Variants in PEAK1 observed in about 807,000 individuals in gnomAD.
PEAK1 encodes the protein pseudopodium enriched atypical kinase 1, also known as inactive tyrosine-protein kinase PEAK1.
PEAK1 carries 54 observed loss-of-function variants against 124.7 expected under a neutral mutation model. The observed-to-expected ratio is 0.43, with a 90% CI of 0.35 to 0.54. The LOEUF (loss-of-function observed/expected upper bound fraction) is 0.54. PEAK1 is among the 20% of genes least tolerant of loss of function. PEAK1 has a pLI of 0.01. For synonymous variants in PEAK1, 719 were observed against 760.0 expected (o/e 0.95, Z 0.89); for missense variants, 2,046 against 2,134.5 (o/e 0.96, Z 0.82).
chr15:77,326,184 C>T (rs1422622712), intron 2 of PEAK1, among the ~76,000 whole-genome samples: 1 of 151,994 alleles, frequency 6.6e-6, no homozygotes, highest in Non-Finnish European at 1.5e-5. Flanking sequence ...TACTCCCTTC[C>T]CCCAACACAC....
chr15:77,405,831 T>C (rs1212367081), intron 1 of PEAK1, among the ~76,000 whole-genome samples: 3 of 152,096 alleles, frequency 2.0e-5, no homozygotes, highest in Admixed American at 6.5e-5. Context: ...GTGAATAAGA[T>C]CTAAGTCAAT....
chr15:77,174,629 T>C (rs12911480), intron 7 of PEAK1, among the ~76,000 whole-genome samples: 11,708 of 152,242 alleles, frequency 0.077, 560 homozygotes, highest in Non-Finnish European at 0.1. Flanking sequence ...TGGGACATTA[T>C]GAAATGTGAA....
intron 1 of PEAK1, chr15:77,370,705 T>C (rs956123197): frequency 3.1e-5 from 31 of 985,032 alleles, no homozygotes; most frequent in Admixed American, 6.2e-5. Context: ...TATTTCTGCA[T>C]ATGTCTTCAG....
chr15:77,361,925 T>C (rs747873782), intron 2 of PEAK1, among the ~76,000 whole-genome samples: 1 of 151,910 alleles, frequency 6.6e-6, no homozygotes, highest in Non-Finnish European at 1.5e-5. Context: ...AATCCTGTCA[T>C]TTGCAGCAAC....
At chr15:77,304,155 C>T (rs1207982330) in intron 2 of PEAK1, among the ~76,000 whole-genome samples, 2 of 152,192 alleles carry the variant, frequency 1.3e-5, no homozygotes, top group Non-Finnish European at 2.9e-5. Context: ...ATTCCACTGA[C>T]TATACTAGGT....
At chr15:77,371,951 T>C (rs750647588) in intron 1 of PEAK1, among the ~76,000 whole-genome samples, 5 of 152,220 alleles carry the variant, frequency 3.3e-5, no homozygotes, top group Non-Finnish European at 7.4e-5. Flanking sequence ...TTTCACGTAA[T>C]TCCTAGCACA....
At chr15:77,220,264 A>G (rs2059327563) in intron 6 of PEAK1, among the ~76,000 whole-genome samples, 1 of 152,078 alleles carries the variant, frequency 6.6e-6, no homozygotes, top group African/African-American at 2.4e-5. Flanking sequence ...ACAAAAATGT[A>G]CTATGCATTG....
In PEAK1 at chr15:77,418,484, C is replaced by T. The variant is rs984870223; in HGVS notation, c.-666+1522G>A. 1.2e-5 allele frequency: 12 copies of T among 985,116 alleles called. No homozygotes were observed. The African/African-American group carries it at 2.1e-4, about 17-fold the overall frequency. The allele number at this position is 985,116 out of a possible 1,614,324, so 61.0% of individuals were successfully genotyped here. ...TTGTGAGTTGGTCATATCCAAAATT[C>T]ACTAGCAATGCTATGACTTCTACTT... On this transcript the variant is annotated intron_variant, in intron 1 of 9. Coordinates refer to ENST00000682557, the MANE Select transcript of PEAK1 (RefSeq NM_001385026.1).
intron 1 of PEAK1, among the ~76,000 whole-genome samples, chr15:77,396,564 T>C (rs2070903032): frequency 6.6e-6 from 1 of 151,866 alleles, no homozygotes; most frequent in Non-Finnish European, 1.5e-5. Context: ...ACACACATAC[T>C]GAAAATAAAG....
In PEAK1 at chr15:77,217,590, G is replaced by A. The variant is rs558260407; in HGVS notation, c.-115+34777C>T. ...CATTAGGCATCTACCTCATAGTTCTGGTTTGGTTCCTTCCGACTTCTTTTG... is the reference window on the plus strand; with the variant it reads ...CATTAGGCATCTACCTCATAGTTCTAGTTTGGTTCCTTCCGACTTCTTTTG... On this transcript the variant is annotated intron_variant, in intron 6 of 9. Transcript: ENST00000682557. Among the ~76,000 whole-genome samples the A allele has an allele frequency of 5.9e-5, 9 of 152,174 alleles. No homozygotes were observed. In the South Asian group the frequency reaches 1.9e-3, roughly 32 times the overall value.
At chr15:77,403,713 G>A in intron 1 of PEAK1, 1 of 930,230 alleles carries the variant, frequency 1.1e-6, no homozygotes, top group Non-Finnish European at 1.3e-6. Context: ...AAGAAAAAAG[G>A]GCAGGATTAT....
intron 1 of PEAK1, chr15:77,418,339 T>G: frequency 1.0e-6 from 1 of 985,296 alleles, no homozygotes; most frequent in South Asian, 4.7e-5. Flanking sequence ...AAGAAAATAA[T>G]TTGACATTTT....
intron 1 of PEAK1, among the ~76,000 whole-genome samples, chr15:77,391,865 T>A (rs2070487546): frequency 6.6e-6 from 1 of 152,188 alleles, no homozygotes. Context: ...GAAGAGATGA[T>A]CACATACATA....
chr15:77,365,741 T>TAAAAA (rs71145816), intron 1 of PEAK1, among the ~76,000 whole-genome samples: 2 of 80,788 alleles, frequency 2.5e-5, no homozygotes, highest in African/African-American at 5.0e-5. Context: ...CTCCATCTCA[T>TAAAAA]AAAAAAAAAA....
chr15:77,321,110 C>T (rs2153017787), intron 2 of PEAK1, among the ~76,000 whole-genome samples: 1 of 152,286 alleles, frequency 6.6e-6, no homozygotes, highest in Non-Finnish European at 1.5e-5. Context: ...AACAGTGCCA[C>T]AATAAACATA....
At chr15:77,406,807 C>G (rs1250060370) in intron 1 of PEAK1, among the ~76,000 whole-genome samples, 1 of 152,074 alleles carries the variant, frequency 6.6e-6, no homozygotes, top group Admixed American at 6.5e-5. Flanking sequence ...AAAGAGCTCA[C>G]ATAGCCAAAG....
chr15:77,162,233 C>T (rs986278253), intron 7 of PEAK1, among the ~76,000 whole-genome samples: 1 of 151,864 alleles, frequency 6.6e-6, no homozygotes, highest in African/African-American at 2.4e-5. Flanking sequence ...GTGGCTCAAG[C>T]CTGTAATACC....
Position 77,365,193 on chromosome 15 carries a change from G to A in PEAK1, c.-633C>T. On this transcript the variant is annotated 5_prime_UTR_variant, in exon 2 of 10. Coordinates refer to ENST00000682557, the MANE Select transcript of PEAK1 (RefSeq NM_001385026.1). ...GTTTTTAGATAAACCACAAAGAAATGTCTACAGCATAAGTTCCAGTTTGGG... is the reference window on the plus strand; with the variant it reads ...GTTTTTAGATAAACCACAAAGAAATATCTACAGCATAAGTTCCAGTTTGGG... 1.0e-6 allele frequency: 1 copy of A among 982,496 alleles called. No homozygotes were observed. The highest frequency in any genetic ancestry group is 1.2e-6 in the Non-Finnish European group (1 of 827,348). The allele number at this position is 982,496 out of a possible 1,614,324, so 60.9% of individuals were successfully genotyped here.
At chr15:77,137,627 A>G (rs933770706) in intron 8 of PEAK1, among the ~76,000 whole-genome samples, 1 of 152,106 alleles carries the variant, frequency 6.6e-6, no homozygotes, top group African/African-American at 2.4e-5. Flanking sequence ...GTATTTACCC[A>G]ATGACTGTAC....
Sources: allele counts gnomAD v4.1 joint callset (sites outside exome capture counted in the v4.1 genomes callset), GRCh38; gene constraint gnomAD v4.1.1; transcripts MANE v1.5; gene names NCBI Gene and HGNC (gene_info 2026-07-23, HGNC 2026-07-21).